The following CAMKMT variants were observed in gnomAD, a reference collection of about 807,000 sequenced individuals.
The protein encoded by CAMKMT is calmodulin-lysine N-methyltransferase.
CAMKMT carries 53 observed loss-of-function variants against 48.0 expected under a neutral mutation model. The ratio of observed to expected loss-of-function variants is 1.10; its 90% CI spans 0.89 to 1.39. The LOEUF (loss-of-function observed/expected upper bound fraction) is 1.39. Among genes scored for constraint, CAMKMT ranks in the 40% most tolerant of loss-of-function variants. The pLI, the probability that CAMKMT is intolerant of heterozygous loss-of-function variation, is 0.00. For missense variants in CAMKMT, 428 were observed against 402.7 expected (o/e 1.06, Z -0.54); for synonymous variants, 165 against 152.3 (o/e 1.08, Z -0.61).
At chr2:44,488,872 TGTGTG>T (rs1558652277) in intron 3 of CAMKMT, among the ~76,000 whole-genome samples, 15 of 145,132 alleles carry the variant, frequency 1.0e-4, no homozygotes, top group Non-Finnish European at 2.0e-4. Context: ...TGTGTGTGTG[TGTGTG>T]TTTTAAGAAA....
intron 3 of CAMKMT, among the ~76,000 whole-genome samples, chr2:44,472,054 CT>C (rs1392637775): frequency 6.6e-6 from 1 of 152,068 alleles, no homozygotes; most frequent in African/African-American, 2.4e-5. Flanking sequence ...ATGATTCTTC[CT>C]AAAAGAATTA....
chr2:44,567,325 C>G (rs1388605412), intron 3 of CAMKMT, among the ~76,000 whole-genome samples: 1 of 152,138 alleles, frequency 6.6e-6, no homozygotes, highest in African/African-American at 2.4e-5. Context: ...TTAAAATGCT[C>G]TCCACAGGAC....
At chr2:44,720,145 G>A (rs569641754) in intron 7 of CAMKMT, among the ~76,000 whole-genome samples, 8 of 152,216 alleles carry the variant, frequency 5.3e-5, no homozygotes, top group African/African-American at 9.6e-5. Flanking sequence ...AACGTTAGCC[G>A]GTTCAGCTAT....
intron 3 of CAMKMT, among the ~76,000 whole-genome samples, chr2:44,650,897 G>A (rs113463013): frequency 2.6e-5 from 4 of 150,970 alleles, no homozygotes; most frequent in Non-Finnish European, 4.4e-5. Context: ...ACATTACAAC[G>A]AATAATTCAG....
chr2:44,751,638 C>T (rs1680158352), intron 8 of CAMKMT, among the ~76,000 whole-genome samples: 1 of 152,190 alleles, frequency 6.6e-6, no homozygotes, highest in African/African-American at 2.4e-5. Flanking sequence ...GCCTGGCTTA[C>T]CTCCCTGTTA....
At chr2:44,505,585 G>A (rs1336786088) in intron 3 of CAMKMT, among the ~76,000 whole-genome samples, 1 of 152,138 alleles carries the variant, frequency 6.6e-6, no homozygotes, top group Admixed American at 6.6e-5. Context: ...TTTTGGTGAA[G>A]ATTCACTTTT....
chr2:44,600,400 G>A (rs933616590), intron 3 of CAMKMT, among the ~76,000 whole-genome samples: 1 of 151,870 alleles, frequency 6.6e-6, no homozygotes, highest in Non-Finnish European at 1.5e-5. Flanking sequence ...CCGAGTAGCT[G>A]GGACTACAGG....
At position 44,443,363 on chromosome 2, in the gene CAMKMT, AT is replaced by A. The variant is rs560248008; in HGVS notation, c.376+53065del. On this transcript the variant is annotated intron_variant, in intron 3 of 10. Coordinates refer to ENST00000378494, the MANE Select transcript of CAMKMT (RefSeq NM_024766.5). Reference sequence around the variant, plus strand: ...TTGTAATGCATGGGTTAATATTACCATTTTTTTATATTGAATATTACTTGAA... The same window carrying A: ...TTGTAATGCATGGGTTAATATTACCATTTTTTATATTGAATATTACTTGAA... Among the ~76,000 whole-genome samples, 31 of 152,214 alleles carry A rather than the reference AT, an allele frequency of 2.0e-4. No individual in the cohort carries two copies. In the South Asian group the frequency reaches 6.2e-3, roughly 31 times the overall value.
At chr2:44,724,602 A>C (rs1160248639) in intron 7 of CAMKMT, among the ~76,000 whole-genome samples, 1 of 152,154 alleles carries the variant, frequency 6.6e-6, no homozygotes, top group African/African-American at 2.4e-5. Context: ...AAAGCGTGAG[A>C]GTGAATCCAT....
intron 3 of CAMKMT, among the ~76,000 whole-genome samples, chr2:44,411,656 T>A (rs991493398): frequency 9.9e-5 from 15 of 152,188 alleles, no homozygotes; most frequent in African/African-American, 3.4e-4. Flanking sequence ...AAATAAATAC[T>A]GCCTTGGACA....
intron 3 of CAMKMT, among the ~76,000 whole-genome samples, chr2:44,422,130 C>T (rs1683974938): frequency 6.6e-6 from 1 of 152,130 alleles, no homozygotes; most frequent in African/African-American, 2.4e-5. Context: ...GTCCTCATTG[C>T]TTGGTGCCGT....
intron 3 of CAMKMT, among the ~76,000 whole-genome samples, chr2:44,493,206 C>T (rs1319269170): frequency 1.3e-5 from 2 of 151,920 alleles, no homozygotes; most frequent in African/African-American, 4.8e-5. Context: ...TAATATTTTG[C>T]TCTATTAAGC....
chr2:44,523,960 A>G lies in CAMKMT; in HGVS notation c.376+133655A>G, dbSNP rs1252539787. Reference sequence around the variant, plus strand: ...GCCCAGCTAATTTTGTATTTTTAGTAGAGATGGGGTTTCATCATGTTGGCC... The same window carrying G: ...GCCCAGCTAATTTTGTATTTTTAGTGGAGATGGGGTTTCATCATGTTGGCC... On this transcript the variant is annotated intron_variant, in intron 3 of 10. Transcript: ENST00000378494. Among the ~76,000 whole-genome samples the G allele has an allele frequency of 1.3e-4, 20 of 151,306 alleles. 1 individual carries two copies. The highest frequency in any genetic ancestry group is 1.3e-3 in the Admixed American group (19 of 15,166).
chr2:44,408,314 G>A lies in CAMKMT; in HGVS notation c.376+18009G>A, dbSNP rs1050817521. ...TCTGGGATTACAGGCGTGAGCCACCGCGCCTGGCCGTCTTTTACTCTTTAT... is the reference window on the plus strand; with the variant it reads ...TCTGGGATTACAGGCGTGAGCCACCACGCCTGGCCGTCTTTTACTCTTTAT... On this transcript the variant is annotated intron_variant, in intron 3 of 10. Coordinates refer to ENST00000378494, the MANE Select transcript of CAMKMT (RefSeq NM_024766.5). Among the ~76,000 whole-genome samples, 3 of 151,904 alleles carry A rather than the reference G, an allele frequency of 2.0e-5. No individual in the cohort carries two copies. In the East Asian group the frequency reaches 5.8e-4, roughly 29 times the overall value.
At chr2:44,397,992 A>G (rs1682013046) in intron 3 of CAMKMT, among the ~76,000 whole-genome samples, 1 of 152,204 alleles carries the variant, frequency 6.6e-6, no homozygotes, top group South Asian at 2.1e-4. Context: ...AAGTTTTAGC[A>G]CAAGATATGC....
chr2:44,574,312 T>G (rs997234208), intron 3 of CAMKMT, among the ~76,000 whole-genome samples: 1 of 152,088 alleles, frequency 6.6e-6, no homozygotes, highest in Non-Finnish European at 1.5e-5. Flanking sequence ...GTAGGTATGT[T>G]GAATAAGTTT....
intron 3 of CAMKMT, among the ~76,000 whole-genome samples, chr2:44,556,838 G>A (rs2103675211): frequency 6.6e-6 from 1 of 151,660 alleles, no homozygotes; most frequent in East Asian, 2.0e-4. Context: ...AGCACTTTGG[G>A]AGGCCGAAGC....
Position 44,772,491 on chromosome 2 carries a change from C to G in CAMKMT, c.*378C>G, listed in dbSNP as rs1483450285. 3.5e-5 allele frequency: 5 copies of G among 140,972 alleles called. No homozygotes were observed. The highest frequency in any genetic ancestry group is 4.2e-5 in the Non-Finnish European group (3 of 71,102). 8.7% of individuals were successfully genotyped at this position (140,972 alleles called of 1,614,324 possible). A position where few individuals can be genotyped will look rare whatever the true frequency, so the allele number is the denominator to read the frequency against. On this transcript the variant is annotated 3_prime_UTR_variant, in exon 11 of 11. Transcript: ENST00000378494. ...TTTTTTTTTTTTTTTGGTCTTTGTT[C>G]TGTTTTGGTGGTGGTAGTTTTTAAT...
intron 3 of CAMKMT, among the ~76,000 whole-genome samples, chr2:44,478,040 A>G (rs1668778125): frequency 6.6e-6 from 1 of 152,220 alleles, no homozygotes. Flanking sequence ...CCATAGATTT[A>G]ATGTGTAAAA....
Sources: allele counts gnomAD v4.1 joint callset (sites outside exome capture counted in the v4.1 genomes callset), GRCh38; gene constraint gnomAD v4.1.1; transcripts MANE v1.5; gene names NCBI Gene and HGNC (gene_info 2026-07-23, HGNC 2026-07-21).